Variants in ADAM22 observed in about 807,000 individuals in gnomAD.
ADAM22 encodes the protein ADAM metallopeptidase domain 22, also known as disintegrin and metalloproteinase domain-containing protein 22.
A neutral mutation model predicts 144.6 loss-of-function variants in ADAM22; 65 were observed. The ratio of observed to expected loss-of-function variants is 0.45; its 90% CI spans 0.37 to 0.55. The LOEUF (loss-of-function observed/expected upper bound fraction) is 0.55, where lower values mean the gene tolerates loss of function less well. Among genes scored for constraint, ADAM22 ranks in the 20% least tolerant of loss-of-function variants. The pLI is 0.00. For missense variants in ADAM22, 974 were observed against 1,184.9 expected (o/e 0.82, Z 2.61); for synonymous variants, 391 against 412.6 (o/e 0.95, Z 0.63).
At position 88,065,373 on chromosome 7, in the gene ADAM22, A is replaced by G. The variant is rs550746525; in HGVS notation, c.324-10253A>G. On this transcript the variant is annotated intron_variant, in intron 3 of 31. Coordinates refer to ENST00000413139, the MANE Select transcript of ADAM22 (RefSeq NM_001324418.2). Reference sequence around the variant, plus strand: ...CGTTTAACCAAGTATCTATTTTTATATATTTGGTTTGCTTTGTGAATAACA... The same window carrying G: ...CGTTTAACCAAGTATCTATTTTTATGTATTTGGTTTGCTTTGTGAATAACA... Among the ~76,000 whole-genome samples the G allele has an allele frequency of 3.3e-5, 5 of 152,168 alleles. No individual in the cohort carries two copies. In the South Asian group the frequency reaches 8.3e-4, roughly 25 times the overall value.
At chr7:88,114,743 T>C (rs1161527832) in intron 6 of ADAM22, 96 bp downstream of exon 6, 3 of 1,198,678 alleles carry the variant, frequency 2.5e-6, no homozygotes, top group Non-Finnish European at 3.5e-6. Flanking sequence ...TTCATTTTTA[T>C]ATTTTTTAGG....
chr7:88,034,338 A>T (rs968256394), intron 3 of ADAM22, among the ~76,000 whole-genome samples: 1 of 152,078 alleles, frequency 6.6e-6, no homozygotes, highest in African/African-American at 2.4e-5. Flanking sequence ...AATGCCTGGG[A>T]GCTGGGCCCT....
intron 6 of ADAM22, among the ~76,000 whole-genome samples, chr7:88,116,253 A>T (rs1240469158): frequency 1.3e-5 from 2 of 151,854 alleles, no homozygotes; most frequent in African/African-American, 4.8e-5. Flanking sequence ...GTGACTTTTT[A>T]TCTCTTGCTT....
intron 3 of ADAM22, among the ~76,000 whole-genome samples, chr7:88,055,494 C>G (rs1807971300): frequency 6.6e-6 from 1 of 152,008 alleles, no homozygotes; most frequent in Non-Finnish European, 1.5e-5. Flanking sequence ...ACAGTCTAGA[C>G]ATTGATATTT....
chr7:88,148,894 T>G, intron 17 of ADAM22, 83 bp from the exon 18 acceptor site: 1 of 1,090,032 alleles, frequency 9.2e-7, no homozygotes, highest in Non-Finnish European at 1.3e-6. Context: ...AGCCAAACAA[T>G]TTTCATTTTG....
intron 12 of ADAM22, among the ~76,000 whole-genome samples, chr7:88,133,589 A>G (rs1047473973): frequency 1.3e-5 from 2 of 151,990 alleles, no homozygotes; most frequent in Admixed American, 1.3e-4. Context: ...ATAAGGCCCT[A>G]TTTATCACTT....
At chr7:88,189,189 G>A (rs1849023094) in intron 30 of ADAM22, among the ~76,000 whole-genome samples, 1 of 152,124 alleles carries the variant, frequency 6.6e-6, no homozygotes, top group South Asian at 2.1e-4. Context: ...CATGAATTCA[G>A]GCCACCAGGA....
In ADAM22 at chr7:88,193,227, A is replaced by G; in HGVS notation, c.2862A>G (p.Arg954=). ...CTGATGAGGACAAGAAAGTGAACCG[A>G]CAAAGTGCCAGGGTATGTGGAAACC... ...PLPDEDKKVN[R]QSARLWETSI The change falls in exon 31 of 32, where the codon CGA becomes CGG. Residue 954 remains arginine, a synonymous_variant. Coordinates refer to ENST00000413139, the MANE Select transcript of ADAM22 (RefSeq NM_001324418.2). 1 of 1,614,006 alleles carries G rather than the reference A, an allele frequency of 6.2e-7. No individual in the cohort carries two copies. The highest frequency in any genetic ancestry group is 8.5e-7 in the Non-Finnish European group (1 of 1,179,916).
chr7:88,138,017 G>A (rs963724511), intron 14 of ADAM22, among the ~76,000 whole-genome samples: 3 of 152,026 alleles, frequency 2.0e-5, no homozygotes, highest in Admixed American at 6.6e-5. Context: ...AACCAGTCGT[G>A]GTGGCACACA....
intron 3 of ADAM22, among the ~76,000 whole-genome samples, chr7:88,067,631 G>A (rs1183467252): frequency 6.6e-6 from 1 of 152,128 alleles, no homozygotes; most frequent in Admixed American, 6.6e-5. Context: ...TAAAAAATCT[G>A]ATTCTGCTGC....
intron 3 of ADAM22, among the ~76,000 whole-genome samples, chr7:88,074,691 A>G (rs553482757): frequency 2.0e-4 from 30 of 152,346 alleles, no homozygotes; most frequent in African/African-American, 5.3e-4. Context: ...AAATAGTAAT[A>G]TAAGTGTCAG....
intron 7 of ADAM22, among the ~76,000 whole-genome samples, chr7:88,123,752 C>G (rs1191775864): frequency 6.6e-6 from 1 of 151,588 alleles, no homozygotes; most frequent in Admixed American, 6.6e-5. Flanking sequence ...CTATGCATTT[C>G]CCTTCAAGCA....
At chr7:88,142,943 C>A in intron 14 of ADAM22, 83 bp from the exon 15 acceptor site, 3 of 787,940 alleles carry the variant, frequency 3.8e-6, no homozygotes, top group African/African-American at 1.7e-5. Flanking sequence ...GAGTAATATA[C>A]AATTTTAAGT....
At chr7:88,171,498 A>T in intron 25 of ADAM22, 46 bp from the exon 26 acceptor site, 1 of 1,564,322 alleles carries the variant, frequency 6.4e-7, no homozygotes, top group Non-Finnish European at 8.7e-7. Context: ...TCCAGAGGTA[A>T]CTAACTCTTA....
intron 2 of ADAM22, among the ~76,000 whole-genome samples, chr7:87,970,596 A>G (rs1007670153): frequency 1.3e-5 from 2 of 152,158 alleles, no homozygotes; most frequent in African/African-American, 4.8e-5. Flanking sequence ...AAAATTGGTT[A>G]TCAGTAAGGC....
intron 3 of ADAM22, among the ~76,000 whole-genome samples, chr7:87,992,455 G>A (rs906467782): frequency 6.6e-6 from 1 of 152,144 alleles, no homozygotes. Context: ...GAATGTTAAC[G>A]TTAGTACGTT....
chr7:87,985,001 G>C (rs1484145158), intron 3 of ADAM22, among the ~76,000 whole-genome samples: 1 of 151,200 alleles, frequency 6.6e-6, no homozygotes. Flanking sequence ...TACAATGAAA[G>C]TCTTTTTTTT....
At chr7:88,169,027 C>T (rs1293733855) in intron 25 of ADAM22, among the ~76,000 whole-genome samples, 1 of 152,144 alleles carries the variant, frequency 6.6e-6, no homozygotes, top group Non-Finnish European at 1.5e-5. Flanking sequence ...GTCAAACACT[C>T]AAAGTAGTAC....
intron 29 of ADAM22, among the ~76,000 whole-genome samples, chr7:88,185,678 G>A (rs1362497579): frequency 6.6e-6 from 1 of 152,098 alleles, no homozygotes. Context: ...TTGGCTCCCA[G>A]GGTAAAAATC....
Sources: allele counts gnomAD v4.1 joint callset (sites outside exome capture counted in the v4.1 genomes callset), GRCh38; gene constraint gnomAD v4.1.1; transcripts MANE v1.5; gene names NCBI Gene and HGNC (gene_info 2026-07-23, HGNC 2026-07-21).